NBAS: variants seen among roughly 807,000 people sequenced by gnomAD.
NBAS encodes NBAS subunit of NRZ tethering complex.
In NBAS, 219 loss-of-function variants were observed where a neutral mutation model predicts 302.5. The ratio of observed to expected loss-of-function variants is 0.72; its 90% CI spans 0.65 to 0.81. NBAS has a LOEUF of 0.81. NBAS is among the 30% of genes least tolerant of loss of function. The probability of loss-of-function intolerance (pLI) is 0.00; values close to 1 mark genes in which losing one functional copy is unlikely to be tolerated. For synonymous variants in NBAS, 1,118 were observed against 1,021.6 expected (o/e 1.09, Z -1.80); for missense variants, 2,932 against 2,841.6 (o/e 1.03, Z -0.72).
chr2:14,959,920 A>T, the NBAS span, among the ~76,000 whole-genome samples: 1 of 152,212 alleles, frequency 6.6e-6, no homozygotes, highest in African/African-American at 2.4e-5. Flanking sequence ...TAGGTAAAAA[A>T]ATGTTCCAAA....
At chr2:14,887,201 C>T in the NBAS span, among the ~76,000 whole-genome samples, 1 of 151,988 alleles carries the variant, frequency 6.6e-6, no homozygotes, top group Non-Finnish European at 1.5e-5. Context: ...GTCAGGAGTT[C>T]GAGACCAGCC....
chr2:15,438,771 G>C (rs563888790), intron 21 of NBAS, among the ~76,000 whole-genome samples: 1 of 152,242 alleles, frequency 6.6e-6, no homozygotes, highest in African/African-American at 2.4e-5. Context: ...CACTGAGAAA[G>C]AAAGCTCCAA....
chr2:15,179,212 CGTGTGT>C, intron 50 of NBAS, 96 bp from the exon 51 acceptor site: 1 of 1,547,406 alleles, frequency 6.5e-7, no homozygotes, highest in Non-Finnish European at 8.8e-7. Flanking sequence ...TCTGTGGTAG[CGTGTGT>C]GTGTGTGTGT....
At chr2:15,524,625 C>T (rs751047012) in intron 9 of NBAS, among the ~76,000 whole-genome samples, 6 of 152,034 alleles carry the variant, frequency 3.9e-5, no homozygotes, top group Non-Finnish European at 5.9e-5. Context: ...GGAAGGGAGA[C>T]GACAACCAAA....
chr2:14,953,497 A>G, the NBAS span, among the ~76,000 whole-genome samples: 2 of 152,226 alleles, frequency 1.3e-5, no homozygotes, highest in Admixed American at 6.5e-5. Context: ...TCAACTGGCA[A>G]CAGGACTGCC....
intron 21 of NBAS, among the ~76,000 whole-genome samples, chr2:15,438,857 T>C (rs1368184177): frequency 6.6e-6 from 1 of 152,158 alleles, no homozygotes; most frequent in Admixed American, 6.5e-5. Flanking sequence ...CACACAAGGA[T>C]GGGGAAACCA....
chr2:15,478,216 T>G lies in NBAS; in HGVS notation c.1147+10A>C, dbSNP rs1052477846. The G allele has an allele frequency of 6.4e-7, 1 of 1,568,890 alleles. No individual in the cohort carries two copies. The highest frequency in any genetic ancestry group is 8.8e-7 in the Non-Finnish European group (1 of 1,139,054). ...TTAAGGTTTCAATTATCACATTTCG[T>G]AGAACTCACCTTTGATTTTTTTTCT... is the stretch of plus-strand genomic sequence containing the variant. On this transcript the variant is annotated intron_variant, in intron 13 of 51. Transcript: ENST00000281513.
chr2:15,319,030 G>C (rs1671657836), intron 38 of NBAS, among the ~76,000 whole-genome samples: 1 of 152,162 alleles, frequency 6.6e-6, no homozygotes, highest in South Asian at 2.1e-4. Flanking sequence ...TAAAAGAACA[G>C]AAATCACAAC....
chr2:14,935,390 T>C, the NBAS span, among the ~76,000 whole-genome samples: 1 of 152,224 alleles, frequency 6.6e-6, no homozygotes, highest in African/African-American at 2.4e-5. Flanking sequence ...TTATATTTGA[T>C]ATAATATGCT....
At chr2:14,793,817 C>A in the NBAS span, among the ~76,000 whole-genome samples, 1 of 151,930 alleles carries the variant, frequency 6.6e-6, no homozygotes, top group Admixed American at 6.6e-5. Flanking sequence ...CAGATAAATA[C>A]CATATACAAA....
At chr2:15,025,215 A>G in the NBAS span, among the ~76,000 whole-genome samples, 3 of 152,330 alleles carry the variant, frequency 2.0e-5, no homozygotes, top group African/African-American at 7.2e-5. Flanking sequence ...CATTTATTGA[A>G]TAAGGAATCC....
At chr2:14,899,357 C>G in the NBAS span, among the ~76,000 whole-genome samples, 1 of 151,936 alleles carries the variant, frequency 6.6e-6, no homozygotes, top group African/African-American at 2.4e-5. Context: ...AACCTTTTCA[C>G]TAAATAAATG....
chr2:15,277,357 A>C (rs1326721305), intron 42 of NBAS, among the ~76,000 whole-genome samples: 1 of 152,216 alleles, frequency 6.6e-6, no homozygotes, highest in African/African-American at 2.4e-5. Context: ...AAGTAGCTTT[A>C]ACTTCAAGTT....
chr2:15,535,039 T>C (rs1331609748), intron 8 of NBAS, among the ~76,000 whole-genome samples: 4 of 152,202 alleles, frequency 2.6e-5, no homozygotes, highest in African/African-American at 7.2e-5. Context: ...AATAAAATAC[T>C]AATTGTAAGT....
chr2:15,331,599 G>C (rs553889194), intron 35 of NBAS, among the ~76,000 whole-genome samples: 2 of 152,244 alleles, frequency 1.3e-5, no homozygotes, highest in East Asian at 3.9e-4. Context: ...TAATAGCTTA[G>C]TTTGGCTACT....
Position 15,283,589 on chromosome 2 carries a change from C to T in NBAS, c.5138+3484G>A, listed in dbSNP as rs137855855. ...AAGTTTCCTGAGGCCTTCCCAGCCACGTGGAACTGAGTCAATTAAACCTCT... is the reference window on the plus strand; with the variant it reads ...AAGTTTCCTGAGGCCTTCCCAGCCATGTGGAACTGAGTCAATTAAACCTCT... On this transcript the variant is annotated intron_variant, in intron 42 of 51. Transcript: ENST00000281513. Among the ~76,000 whole-genome samples the T allele has an allele frequency of 4.9e-3, 742 of 152,294 alleles. 16 individuals carry two copies. The highest frequency in any genetic ancestry group is 3.2e-3 in the Non-Finnish European group (219 of 68,040).
intron 35 of NBAS, among the ~76,000 whole-genome samples, chr2:15,346,211 G>T (rs150149122): frequency 0.012 from 1,887 of 152,208 alleles, 36 homozygotes; most frequent in African/African-American, 0.043. Context: ...GCATTAGAGT[G>T]AACAGGCAAC....
At chr2:15,111,468 T>G in the NBAS span, among the ~76,000 whole-genome samples, 1 of 152,136 alleles carries the variant, frequency 6.6e-6, no homozygotes, top group African/African-American at 2.4e-5. Flanking sequence ...CTAACAACTG[T>G]GAAATATCCA....
At chr2:15,038,112 C>CT in the NBAS span, among the ~76,000 whole-genome samples, 40,214 of 118,330 alleles carry the variant, frequency 0.34, 8,260 homozygotes, top group African/African-American at 0.54. Context: ...TGACTTTATT[C>CT]TTTTTTTTTT....
Sources: gnomAD v4.1 joint callset for allele counts (sites outside exome capture counted in the v4.1 genomes callset) on GRCh38, gnomAD v4.1.1 for gene constraint, MANE v1.5 for transcripts, NCBI Gene and HGNC (gene_info 2026-07-23, HGNC 2026-07-21) for gene names.